The following ATP9B variants were observed in gnomAD, a reference collection of about 807,000 sequenced individuals.
ATP9B encodes the protein ATPase phospholipid transporting 9B.
ATP9B carries 110 observed loss-of-function variants against 146.1 expected under a neutral mutation model. The ratio of observed to expected loss-of-function variants is 0.75; its 90% CI spans 0.65 to 0.88. The LOEUF is 0.88. ATP9B is among the 40% of genes least tolerant of loss of function. The pLI is 0.00. For missense variants in ATP9B, 1,499 were observed against 1,496.4 expected, an observed-to-expected ratio of 1.00 and a Z score of -0.03; for synonymous variants, 604 against 569.7, an observed-to-expected ratio of 1.06 and a Z score of -0.86.
rs1452715682 is a variant in ATP9B at position 79,239,911 on chromosome 18, G to A, written c.1108-13470G>A. On this transcript the variant is annotated intron_variant, in intron 11 of 29. Transcript: ENST00000426216. The surrounding 1 kb of genome is among the most constrained non-coding windows in gnomAD (Gnocchi z 5.1). The stretch of plus-strand genomic sequence containing the variant: ...GCGTTCCCAAAGGATGAGCGGAGAG[G>A]CTTGCTCTGCCTGCGTCCCCATCAG... Among the ~76,000 whole-genome samples, 1 of 152,210 alleles carries A rather than the reference G, an allele frequency of 6.6e-6. No individual in the cohort carries two copies. The highest frequency in any genetic ancestry group is 1.5e-5 in the Non-Finnish European group (1 of 68,048).
At chr18:79,246,702 C>G (rs529215343) in intron 11 of ATP9B, among the ~76,000 whole-genome samples, 47 of 152,316 alleles carry the variant, frequency 3.1e-4, no homozygotes, top group African/African-American at 1.1e-3. Flanking sequence ...CTCGCGCTCC[C>G]CCTGCTGGCC....
intron 7 of ATP9B, among the ~76,000 whole-genome samples, chr18:79,156,354 C>T (rs2094781382): frequency 6.6e-6 from 1 of 152,176 alleles, no homozygotes; most frequent in South Asian, 2.1e-4. Flanking sequence ...AGCCAAAAGT[C>T]TGTATGCCAC....
At chr18:79,339,570 G>T (rs773727941) in intron 19 of ATP9B, among the ~76,000 whole-genome samples, 21 of 151,172 alleles carry the variant, frequency 1.4e-4, no homozygotes, top group African/African-American at 3.2e-4. Flanking sequence ...TGTCATGATC[G>T]CAGTAGGAAG....
At chr18:79,325,607 G>C (rs1024148633) in intron 15 of ATP9B, among the ~76,000 whole-genome samples, 1 of 152,200 alleles carries the variant, frequency 6.6e-6, no homozygotes, top group Non-Finnish European at 1.5e-5. Context: ...ACATGACAGG[G>C]AAGGAGCGGG....
At position 79,301,416 on chromosome 18, in the gene ATP9B, C is replaced by T. The variant is rs1264374057; in HGVS notation, c.1412-2188C>T. Reference sequence around the variant, plus strand: ...CTGAGGCAGGAGAATTGCTTGAACCCAGGAGGCAGAGGTTGCAGTGAGCCA... The same window carrying T: ...CTGAGGCAGGAGAATTGCTTGAACCTAGGAGGCAGAGGTTGCAGTGAGCCA... On this transcript the variant is annotated intron_variant, in intron 13 of 29. Transcript: ENST00000426216. 3.3e-5 allele frequency among the ~76,000 whole-genome samples: 5 copies of T among 152,172 alleles called. No individual in the cohort carries two copies. The East Asian group carries it at 9.6e-4, about 29-fold the overall frequency.
chr18:79,190,903 T>A (rs72998129), intron 8 of ATP9B, among the ~76,000 whole-genome samples: 15,911 of 152,164 alleles, frequency 0.1, 1,088 homozygotes, highest in African/African-American at 0.19. Flanking sequence ...GGGTTTTTTT[T>A]AAATATTTAC....
At chr18:79,183,709 A>C (rs554343453) in intron 8 of ATP9B, among the ~76,000 whole-genome samples, 205 of 151,172 alleles carry the variant, frequency 1.4e-3, no homozygotes, top group Middle Eastern at 3.5e-3. Flanking sequence ...TTAAATAATT[A>C]GTTTTAAAAT....
At chr18:79,361,653 A>T (rs1023252149) in intron 26 of ATP9B, 13 of 396,524 alleles carry the variant, frequency 3.3e-5, no homozygotes, top group Non-Finnish European at 4.1e-5. Context: ...ATAGCACTAA[A>T]GTACTGAGCC....
chr18:79,069,435 C>A lies in ATP9B; in HGVS notation c.25C>A (p.Pro9Thr). The A allele has an allele frequency of 1.3e-6, 2 of 1,521,726 alleles. No individual in the cohort carries two copies. Among genetic ancestry groups the A allele is most frequent in the Non-Finnish European group, 1.8e-6 (2 of 1,138,386 alleles). The allele number at this position is 1,521,726 out of a possible 1,614,324, so 94.3% of individuals were successfully genotyped here. A position where few individuals can be genotyped will look rare whatever the true frequency, so the allele number is the denominator to read the frequency against. The change falls in exon 1 of 30, where the codon CCG becomes ACG. Residue 9 changes from proline (P) to threonine (T), a missense_variant. Transcript: ENST00000426216. ...CATGGCGGACCAGATCCCGCTTTAC[C>A]CGGTGCGTAGCGCAGCGGCGGCCGC... MADQIPLYPVRSAAAAAAN... is the reference protein window; with the variant it reads MADQIPLYTVRSAAAAAAN...
intron 5 of ATP9B, 35 bp downstream of exon 5, chr18:79,126,410 C>CT: frequency 7.0e-7 from 1 of 1,424,194 alleles, no homozygotes; most frequent in Non-Finnish European, 9.8e-7. Context: ...TTAGCGTTTG[C>CT]TTACTGTAAT....
chr18:79,340,620 A>G (rs2096853083), intron 19 of ATP9B, among the ~76,000 whole-genome samples: 1 of 152,214 alleles, frequency 6.6e-6, no homozygotes, highest in Non-Finnish European at 1.5e-5. Context: ...TGAGAAATTC[A>G]GCTAATGAGA....
chr18:79,177,208 C>T (rs1386140370), intron 8 of ATP9B, among the ~76,000 whole-genome samples: 1 of 151,990 alleles, frequency 6.6e-6, no homozygotes, highest in Non-Finnish European at 1.5e-5. Context: ...CCGCCTCCTC[C>T]TCCTCTTAAT....
chr18:79,321,230 G>A (rs1026164831), intron 15 of ATP9B, among the ~76,000 whole-genome samples: 3 of 152,214 alleles, frequency 2.0e-5, no homozygotes, highest in Non-Finnish European at 4.4e-5. Context: ...TGCCGTGTCC[G>A]TGGGAACCAG....
chr18:79,373,755 C>T (rs774589028), intron 27 of ATP9B, 143 bp from the exon 28 acceptor site: 172 of 816,336 alleles, frequency 2.1e-4, no homozygotes, highest in Middle Eastern at 3.6e-4. Context: ...TCCCAAAGTG[C>T]TGGGAAGACA....
At chr18:79,258,985 T>C (rs1406403572) in intron 12 of ATP9B, among the ~76,000 whole-genome samples, 1 of 152,244 alleles carries the variant, frequency 6.6e-6, no homozygotes. Flanking sequence ...AATATGCTTT[T>C]GGATTGAATA....
chr18:79,236,601 T>C (rs577492170), intron 11 of ATP9B, among the ~76,000 whole-genome samples: 3 of 152,366 alleles, frequency 2.0e-5, no homozygotes, highest in African/African-American at 7.2e-5. Flanking sequence ...GGTTTTTGTA[T>C]ATAAGAAGAA....
At position 79,337,517 on chromosome 18, in the gene ATP9B, A is replaced by C. The variant is rs771756465; in HGVS notation, c.2283+68A>C. ...AAGCAAACAGTGCTTTTCCTTGGGC[A>C]TGGTGATTTGTGAAACTCCTGTGGG... is the stretch of plus-strand genomic sequence containing the variant. On this transcript the variant is annotated intron_variant, in intron 19 of 29. Transcript: ENST00000426216. 2.0e-4 allele frequency: 312 copies of C among 1,551,512 alleles called. 1 individual carries two copies. Among genetic ancestry groups the C allele is most frequent in the Non-Finnish European group, 2.6e-4 (306 of 1,157,198 alleles).
At chr18:79,330,236 A>G in intron 17 of ATP9B, 132 bp downstream of exon 17, 1 of 796,338 alleles carries the variant, frequency 1.3e-6, no homozygotes, top group Admixed American at 2.3e-5. Flanking sequence ...TCCTTTCCCC[A>G]GCTTGCAGAC....
At chr18:79,342,928 T>C (rs920041232) in intron 20 of ATP9B, among the ~76,000 whole-genome samples, 13 of 152,232 alleles carry the variant, frequency 8.5e-5, no homozygotes, top group African/African-American at 2.9e-4. Context: ...AAGTGCTGCC[T>C]TAACTAGTTC....
Sources: allele counts gnomAD v4.1 joint callset (sites outside exome capture counted in the v4.1 genomes callset), GRCh38; gene constraint gnomAD v4.1.1; non-coding constraint Gnocchi (gnomAD v3.1); transcripts MANE v1.5; gene names NCBI Gene and HGNC (gene_info 2026-07-23, HGNC 2026-07-21).